Variants in PRELID2 observed in about 807,000 individuals in gnomAD.
PRELID2 encodes the protein PRELI domain-containing protein 2.
PRELID2 carries 25 observed loss-of-function variants against 28.4 expected under a neutral mutation model. That is an observed-to-expected ratio of 0.88 (90% CI 0.64 to 1.23). PRELID2 has a LOEUF of 1.23. Among genes scored for constraint, PRELID2 ranks in the 50% most tolerant of loss-of-function variants. The pLI is 0.00. For missense variants in PRELID2, 201 were observed against 214.4 expected (o/e 0.94, Z 0.39); for synonymous variants, 76 against 71.6 (o/e 1.06, Z -0.31).
At chr5:145,518,853 C>A (rs981853386) in intron 1 of PRELID2, among the ~76,000 whole-genome samples, 12 of 152,116 alleles carry the variant, frequency 7.9e-5, no homozygotes, top group Non-Finnish European at 8.8e-5. Flanking sequence ...CAGAACAATC[C>A]CTTACAATGA....
At chr5:145,692,673 C>T (rs1484154292) in intron 1 of PRELID2, among the ~76,000 whole-genome samples, 1 of 152,158 alleles carries the variant, frequency 6.6e-6, no homozygotes, top group African/African-American at 2.4e-5. Flanking sequence ...TTAATTCCTG[C>T]AAGAGTGAAC....
chr5:145,271,791 C>G, the PRELID2 span, among the ~76,000 whole-genome samples: 1 of 152,104 alleles, frequency 6.6e-6, no homozygotes, highest in African/African-American at 2.4e-5. Flanking sequence ...TGCCAACATC[C>G]AATTCATCCG....
the PRELID2 span, among the ~76,000 whole-genome samples, chr5:145,286,290 C>A: frequency 1.3e-5 from 2 of 152,142 alleles, no homozygotes; most frequent in African/African-American, 2.4e-5. Flanking sequence ...CCTGCAGAGC[C>A]CACACTACTT....
chr5:145,817,198 AATAAATAAATAAATAAAAAAAAATAT>A (rs1754378639), intron 4 of PRELID2, among the ~76,000 whole-genome samples: 1 of 70,082 alleles, frequency 1.4e-5, no homozygotes, highest in Non-Finnish European at 3.3e-5. Flanking sequence ...TTCAAAAAAA[AATAAATAAATAAATAAAAAAAAATAT>A]ATATATATAT....
chr5:145,595,789 A>C (rs1474341303), intron 1 of PRELID2, among the ~76,000 whole-genome samples: 1 of 152,054 alleles, frequency 6.6e-6, no homozygotes, highest in African/African-American at 2.4e-5. Flanking sequence ...CCTCCCCTTC[A>C]TTTTTTAATG....
the PRELID2 span, among the ~76,000 whole-genome samples, chr5:145,447,628 C>G: frequency 1.1e-4 from 12 of 105,270 alleles, no homozygotes; most frequent in South Asian, 4.3e-4. Context: ...CCCCTCCCCC[C>G]ACCCCACCAC....
intron 4 of PRELID2, among the ~76,000 whole-genome samples, chr5:145,801,627 A>G (rs962060387): frequency 6.6e-6 from 1 of 152,204 alleles, no homozygotes; most frequent in Admixed American, 6.5e-5. Flanking sequence ...TCTTTTATAC[A>G]AGAAGAAACT....
chr5:145,652,080 C>T (rs1194321813), intron 1 of PRELID2, among the ~76,000 whole-genome samples: 1 of 152,110 alleles, frequency 6.6e-6, no homozygotes, highest in Non-Finnish European at 1.5e-5. Flanking sequence ...GAGCTGAAAA[C>T]CATGGCACGA....
chr5:145,484,665 C>T (rs1390510284), intron 1 of PRELID2, among the ~76,000 whole-genome samples: 1 of 152,164 alleles, frequency 6.6e-6, no homozygotes, highest in Non-Finnish European at 1.5e-5. Context: ...GCACCTGTCA[C>T]ATAATGGTAC....
At chr5:145,765,784 G>A (rs971370597) in intron 5 of PRELID2, among the ~76,000 whole-genome samples, 1 of 152,126 alleles carries the variant, frequency 6.6e-6, no homozygotes, top group South Asian at 2.1e-4. Flanking sequence ...TGCCCCAAGA[G>A]CTGACCTAGG....
chr5:145,369,709 A>C, the PRELID2 span, among the ~76,000 whole-genome samples: 1 of 152,110 alleles, frequency 6.6e-6, no homozygotes, highest in Admixed American at 6.6e-5. Flanking sequence ...TGTCTTCCAC[A>C]ATGGTTGAAC....
At chr5:145,353,626 AAGG>A in the PRELID2 span, among the ~76,000 whole-genome samples, 1 of 152,112 alleles carries the variant, frequency 6.6e-6, no homozygotes, top group Non-Finnish European at 1.5e-5. Context: ...TGATGTTAGT[AAGG>A]AGAAGTATCA....
At chr5:145,298,852 AG>A in the PRELID2 span, among the ~76,000 whole-genome samples, 1 of 152,220 alleles carries the variant, frequency 6.6e-6, no homozygotes, top group East Asian at 1.9e-4. Context: ...ATATTTCAAT[AG>A]GTTACATATT....
chr5:145,761,984 G>C (rs1757498515), intron 6 of PRELID2, among the ~76,000 whole-genome samples: 1 of 152,046 alleles, frequency 6.6e-6, no homozygotes, highest in African/African-American at 2.4e-5. Flanking sequence ...AAGAAAATGG[G>C]AGAAAAGGAA....
At chr5:145,436,615 T>C in the PRELID2 span, among the ~76,000 whole-genome samples, 1 of 152,154 alleles carries the variant, frequency 6.6e-6, no homozygotes, top group Non-Finnish European at 1.5e-5. Context: ...TTTTTGTTTT[T>C]TACGTTTTAA....
At chr5:145,571,200 T>C (rs746045136) in intron 1 of PRELID2, among the ~76,000 whole-genome samples, 11 of 152,256 alleles carry the variant, frequency 7.2e-5, no homozygotes, top group Non-Finnish European at 1.6e-4. Context: ...CTGGACACGT[T>C]ATCTACTCTC....
intron 1 of PRELID2, among the ~76,000 whole-genome samples, chr5:145,537,941 T>C (rs1255556807): frequency 1.3e-5 from 2 of 151,912 alleles, no homozygotes; most frequent in Non-Finnish European, 1.5e-5. Flanking sequence ...ATTTCCCCTA[T>C]GTTTTCTTCC....
chr5:145,405,699 GTTGTT>G, the PRELID2 span, among the ~76,000 whole-genome samples: 238 of 45,990 alleles, frequency 5.2e-3, 5 homozygotes, highest in East Asian at 0.061. Flanking sequence ...GTACCACATA[GTTGTT>G]TTTTTTTTTT....
the PRELID2 span, among the ~76,000 whole-genome samples, chr5:145,238,554 A>G: frequency 6.6e-6 from 1 of 152,152 alleles, no homozygotes; most frequent in South Asian, 2.1e-4. Flanking sequence ...CCAGATATGT[A>G]CTAAGCATCT....
Sources: gnomAD v4.1 joint callset for allele counts (sites outside exome capture counted in the v4.1 genomes callset) on GRCh38, gnomAD v4.1.1 for gene constraint, MANE v1.5 for transcripts, NCBI Gene and HGNC (gene_info 2026-07-23, HGNC 2026-07-21) for gene names.